ATRNL1: variants seen among roughly 807,000 people sequenced by gnomAD.
ATRNL1 encodes attractin like 1.
ATRNL1 carries 95 observed loss-of-function variants against 182.7 expected under a neutral mutation model. That is an observed-to-expected ratio of 0.52 (90% CI 0.44 to 0.62). ATRNL1 has a LOEUF of 0.62. ATRNL1 is among the 20% of genes least tolerant of loss of function. The pLI, the probability that ATRNL1 is intolerant of heterozygous loss-of-function variation, is 0.00. For missense variants in ATRNL1, 1,471 were observed against 1,679.5 expected, an observed-to-expected ratio of 0.88 and a Z score of 2.17; for synonymous variants, 576 against 568.3, an observed-to-expected ratio of 1.01 and a Z score of -0.19.
intron 26 of ATRNL1, among the ~76,000 whole-genome samples, chr10:115,720,216 G>T (rs550128540): frequency 6.6e-6 from 1 of 152,200 alleles, no homozygotes; most frequent in South Asian, 2.1e-4. Flanking sequence ...ATGGACAGAT[G>T]TCAGGCAACC....
At chr10:115,570,392 T>C (rs1404203374) in intron 26 of ATRNL1, among the ~76,000 whole-genome samples, 1 of 152,252 alleles carries the variant, frequency 6.6e-6, no homozygotes, top group Non-Finnish European at 1.5e-5. Context: ...ATATGAAATT[T>C]TGAAGTTTAC....
intron 17 of ATRNL1, among the ~76,000 whole-genome samples, chr10:115,311,087 T>C (rs1296964231): frequency 6.6e-6 from 1 of 152,202 alleles, no homozygotes; most frequent in Non-Finnish European, 1.5e-5. Flanking sequence ...CAGGAGCAGA[T>C]TGTTAAATTT....
intron 26 of ATRNL1, among the ~76,000 whole-genome samples, chr10:115,723,539 T>TATTTATTTATTTATTTATTC (rs1947498637): frequency 1.3e-5 from 1 of 75,438 alleles, no homozygotes; most frequent in Admixed American, 1.3e-4. Context: ...CTTTTGTATT[T>TATTTATTTATTTATTTATTC]ATTTATTTAT....
chr10:115,551,089 C>T (rs143184280), intron 26 of ATRNL1, among the ~76,000 whole-genome samples: 32 of 151,662 alleles, frequency 2.1e-4, no homozygotes, highest in African/African-American at 7.2e-4. Flanking sequence ...GGATTTGTAC[C>T]CTAGAGCTAA....
At chr10:115,791,268 C>T (rs944639843) in intron 27 of ATRNL1, among the ~76,000 whole-genome samples, 27 of 152,126 alleles carry the variant, frequency 1.8e-4, no homozygotes, top group African/African-American at 6.5e-4. Flanking sequence ...ACCAACATTT[C>T]CTGCCTTATT....
intron 26 of ATRNL1, among the ~76,000 whole-genome samples, chr10:115,707,942 A>G (rs1292936050): frequency 2.0e-5 from 3 of 151,872 alleles, no homozygotes; most frequent in East Asian, 3.9e-4. Context: ...AACCAGTGGC[A>G]TTCTCTTAAT....
chr10:115,768,819 A>T (rs932399649), intron 27 of ATRNL1, among the ~76,000 whole-genome samples: 4 of 152,070 alleles, frequency 2.6e-5, no homozygotes, highest in Non-Finnish European at 5.9e-5. Context: ...AGACTTACAG[A>T]TTGTGCTCCT....
At chr10:115,172,921 T>C (rs1592209403) in intron 8 of ATRNL1, among the ~76,000 whole-genome samples, 2 of 150,616 alleles carry the variant, frequency 1.3e-5, no homozygotes, top group East Asian at 4.1e-4. Context: ...CTTAATGACA[T>C]CTGGAACTTC....
At chr10:115,914,811 G>A (rs987011051) in intron 28 of ATRNL1, among the ~76,000 whole-genome samples, 2 of 152,272 alleles carry the variant, frequency 1.3e-5, no homozygotes, top group Admixed American at 6.5e-5. Context: ...CACTTCTACT[G>A]TGCCCCTTCC....
chr10:115,127,780 GT>G (rs1294683099), intron 4 of ATRNL1, 59 bp downstream of exon 4: 23 of 1,201,458 alleles, frequency 1.9e-5, no homozygotes, highest in South Asian at 4.1e-5. Context: ...TGTAAAAGAG[GT>G]TTTTTTTGTT....
chr10:115,504,992 T>G (rs1308190146), intron 24 of ATRNL1, among the ~76,000 whole-genome samples: 1 of 152,106 alleles, frequency 6.6e-6, no homozygotes, highest in Non-Finnish European at 1.5e-5. Context: ...AGTTTTCAGC[T>G]AAATAGCCTT....
At chr10:115,469,613 T>C (rs1465613968) in intron 24 of ATRNL1, among the ~76,000 whole-genome samples, 1 of 150,664 alleles carries the variant, frequency 6.6e-6, no homozygotes, top group African/African-American at 2.4e-5. Flanking sequence ...TTATATACTT[T>C]AACTGAGGGT....
At chr10:115,547,934 C>T (rs1554994318) in intron 25 of ATRNL1, among the ~76,000 whole-genome samples, 1 of 152,132 alleles carries the variant, frequency 6.6e-6, no homozygotes, top group Non-Finnish European at 1.5e-5. Flanking sequence ...GTTAGTATCA[C>T]TGACTTTTTA....
intron 8 of ATRNL1, among the ~76,000 whole-genome samples, chr10:115,201,362 A>G (rs1848571223): frequency 6.6e-6 from 1 of 152,046 alleles, no homozygotes; most frequent in Non-Finnish European, 1.5e-5. Flanking sequence ...TTATGGTTTT[A>G]GGTCTAACAT....
chr10:115,791,985 C>T (rs1193912536), intron 27 of ATRNL1, among the ~76,000 whole-genome samples: 3 of 152,124 alleles, frequency 2.0e-5, no homozygotes. Context: ...ACTTTTTGTT[C>T]TCTGGTACAA....
chr10:115,711,859 CA>C (rs1384329269), intron 26 of ATRNL1, among the ~76,000 whole-genome samples: 1 of 152,014 alleles, frequency 6.6e-6, no homozygotes, highest in African/African-American at 2.4e-5. Context: ...AATAAAATTC[CA>C]AAAACATAGA....
intron 20 of ATRNL1, among the ~76,000 whole-genome samples, chr10:115,408,236 C>T (rs1844954706): frequency 1.3e-5 from 2 of 151,810 alleles, no homozygotes; most frequent in South Asian, 2.1e-4. Context: ...ATCTCCTGAC[C>T]TCATGATCCA....
chr10:115,721,756 T>C (rs782594430), intron 26 of ATRNL1, among the ~76,000 whole-genome samples: 2 of 152,232 alleles, frequency 1.3e-5, no homozygotes, highest in Non-Finnish European at 2.9e-5. Flanking sequence ...ATATCACTTA[T>C]ATATGCTATT....
chr10:115,924,563 G>A (rs1589701852), intron 28 of ATRNL1, among the ~76,000 whole-genome samples: 3 of 152,098 alleles, frequency 2.0e-5, no homozygotes, highest in Admixed American at 2.0e-4. Flanking sequence ...GGTTGTAGAT[G>A]TGTGGCGTTA....
Sources: allele counts gnomAD v4.1 joint callset (sites outside exome capture counted in the v4.1 genomes callset), GRCh38; gene constraint gnomAD v4.1.1; transcripts MANE v1.5; gene names NCBI Gene and HGNC (gene_info 2026-07-23, HGNC 2026-07-21).